Variants in PARG observed in about 807,000 individuals in gnomAD.
PARG encodes the protein poly(ADP-ribose) glycohydrolase.
A neutral mutation model predicts 113.0 loss-of-function variants in PARG; 35 were observed. The ratio of observed to expected loss-of-function variants is 0.31; its 90% CI spans 0.24 to 0.41. PARG has a LOEUF of 0.41. Ranked by LOEUF, PARG falls within the 10% of genes least tolerant of loss-of-function variation. PARG has a pLI of 1.00. For missense variants in PARG, 797 were observed against 1,169.4 expected (o/e 0.68, Z 4.64); for synonymous variants, 330 against 409.9 (o/e 0.81, Z 2.36).
At chr10:49,842,495 T>A (rs1845292896) in intron 14 of PARG, among the ~76,000 whole-genome samples, 1 of 152,154 alleles carries the variant, frequency 6.6e-6, no homozygotes. Context: ...CTATATACTG[T>A]CCAGGAAATA....
intron 7 of PARG, among the ~76,000 whole-genome samples, chr10:49,902,417 A>T (rs529096874): frequency 6.6e-6 from 1 of 152,316 alleles, no homozygotes; most frequent in South Asian, 2.1e-4. Flanking sequence ...GGTTCAATCT[A>T]TCATCTAGGG....
chr10:49,918,549 T>C (rs1163656115), intron 6 of PARG, among the ~76,000 whole-genome samples: 1 of 152,216 alleles, frequency 6.6e-6, no homozygotes, highest in Non-Finnish European at 1.5e-5. Context: ...ATTCTTTCTG[T>C]GCAAATTATC....
intron 16 of PARG, among the ~76,000 whole-genome samples, chr10:49,832,198 T>C (rs1454431486): frequency 6.6e-6 from 1 of 152,236 alleles, no homozygotes; most frequent in African/African-American, 2.4e-5. Flanking sequence ...ACGTAAGAAA[T>C]GTTTCTGCTT....
chr10:49,859,256 T>C (rs1337803381), intron 12 of PARG, among the ~76,000 whole-genome samples: 6 of 143,968 alleles, frequency 4.2e-5, no homozygotes, highest in African/African-American at 1.5e-4. Flanking sequence ...GGTGATGAGG[T>C]GGTCTGAGGT....
At chr10:49,902,644 C>A (rs1253021314) in intron 7 of PARG, among the ~76,000 whole-genome samples, 1 of 152,078 alleles carries the variant, frequency 6.6e-6, no homozygotes, top group Non-Finnish European at 1.5e-5. Context: ...ACAAACAATA[C>A]AAGGTGTCTG....
chr10:49,860,212 A>G (rs1311630468), intron 12 of PARG, among the ~76,000 whole-genome samples: 5 of 152,154 alleles, frequency 3.3e-5, no homozygotes, highest in Admixed American at 2.0e-4. Context: ...TTCCATCTAT[A>G]ATATATTCCG....
chr10:49,827,052 G>T (rs984850560), intron 16 of PARG, among the ~76,000 whole-genome samples: 1 of 152,186 alleles, frequency 6.6e-6, no homozygotes, highest in Non-Finnish European at 1.5e-5. Context: ...TTAGGTGGAA[G>T]GTATAAGCTA....
chr10:49,824,143 T>C (rs1844237506), intron 16 of PARG, among the ~76,000 whole-genome samples: 1 of 152,210 alleles, frequency 6.6e-6, no homozygotes, highest in Non-Finnish European at 1.5e-5. Flanking sequence ...ATCACTGTTA[T>C]AATTGTTTTC....
chr10:49,831,021 C>G (rs1181689758), intron 16 of PARG, among the ~76,000 whole-genome samples: 1 of 151,966 alleles, frequency 6.6e-6, no homozygotes, highest in African/African-American at 2.4e-5. Flanking sequence ...GCTGAGTACT[C>G]AGTAGATCTA....
chr10:49,890,795 T>C (rs1847737621), intron 7 of PARG, among the ~76,000 whole-genome samples: 2 of 152,236 alleles, frequency 1.3e-5, no homozygotes, highest in South Asian at 4.1e-4. Flanking sequence ...TTTGAATATC[T>C]GATTAACTAC....
At chr10:49,866,745 A>G (rs1554836974) in intron 10 of PARG, among the ~76,000 whole-genome samples, 1 of 152,200 alleles carries the variant, frequency 6.6e-6, no homozygotes, top group African/African-American at 2.4e-5. Flanking sequence ...TTTCGTAACA[A>G]GGCAACTTTC....
chr10:49,935,778 A>G (rs1367810721), intron 1 of PARG, among the ~76,000 whole-genome samples: 1 of 152,210 alleles, frequency 6.6e-6, no homozygotes, highest in Non-Finnish European at 1.5e-5. Flanking sequence ...AGGCACCAAT[A>G]TCAGGGAAAT....
chr10:49,832,925 T>G lies in PARG; in HGVS notation c.2542-17A>C, dbSNP rs782235813. ...ACAGTAAGCCTGCAGGATAAAAGAA[T>G]TATCAAAGCCTGTGAGTGCCTAGAC... On this transcript the variant is annotated splice_polypyrimidine_tract_variant and intron_variant, in intron 15 of 17. Coordinates refer to ENST00000616448, the MANE Select transcript of PARG (RefSeq NM_003631.5). The G allele has an allele frequency of 9.3e-6, 13 of 1,400,124 alleles. No homozygotes were observed. The South Asian group carries it at 1.6e-4, about 17-fold the overall frequency. 86.7% of individuals were successfully genotyped at this position (1,400,124 alleles called of 1,614,324 possible). A position where few individuals can be genotyped will look rare whatever the true frequency, so the allele number is the denominator to read the frequency against.
intron 6 of PARG, among the ~76,000 whole-genome samples, chr10:49,918,561 C>T (rs1195674054): frequency 6.6e-6 from 1 of 152,190 alleles, no homozygotes; most frequent in Non-Finnish European, 1.5e-5. Flanking sequence ...CAAATTATCA[C>T]ACACATTATT....
chr10:49,825,884 C>G (rs1844331248), intron 16 of PARG, among the ~76,000 whole-genome samples: 1 of 152,196 alleles, frequency 6.6e-6, no homozygotes, highest in African/African-American at 2.4e-5. Flanking sequence ...TCAGCAGTAT[C>G]TCTGAGGTGC....
intron 9 of PARG, among the ~76,000 whole-genome samples, chr10:49,873,389 T>C (rs1175978110): frequency 7.0e-6 from 1 of 142,760 alleles, no homozygotes; most frequent in Non-Finnish European, 1.5e-5. Context: ...ACTGGATCTT[T>C]CAGAAGCCAC....
intron 7 of PARG, among the ~76,000 whole-genome samples, chr10:49,911,011 A>G (rs2813010): frequency 3.4e-3 from 520 of 151,902 alleles, no homozygotes; most frequent in East Asian, 0.012. Context: ...GGCTGGGCAC[A>G]GTGGCTCATA....
In PARG at chr10:49,933,151, G is replaced by A. The variant is rs1838572691; in HGVS notation, c.1271+26C>T. ...AACTATAAAGCATATTATGCTATTG[G>A]AGAGATACTGCTGAGAGAAAATTAC... On this transcript the variant is annotated intron_variant, in intron 3 of 17. Coordinates refer to ENST00000616448, the MANE Select transcript of PARG (RefSeq NM_003631.5). 5.4e-6 allele frequency: 8 copies of A among 1,484,850 alleles called. No homozygotes were observed. In the East Asian group the frequency reaches 1.2e-4, roughly 22 times the overall value. The allele number at this position is 1,484,850 out of a possible 1,614,324, so 92.0% of individuals were successfully genotyped here.
At chr10:49,835,752 T>C (rs1844886383) in intron 15 of PARG, among the ~76,000 whole-genome samples, 1 of 152,020 alleles carries the variant, frequency 6.6e-6, no homozygotes, top group Non-Finnish European at 1.5e-5. Context: ...TATAAGATTT[T>C]ACACTTAAGT....
Sources: allele counts gnomAD v4.1 joint callset (sites outside exome capture counted in the v4.1 genomes callset), GRCh38; gene constraint gnomAD v4.1.1; transcripts MANE v1.5; gene names NCBI Gene and HGNC (gene_info 2026-07-23, HGNC 2026-07-21).